VPS13B: variants seen among roughly 807,000 people sequenced by gnomAD.
VPS13B encodes the protein intermembrane lipid transfer protein VPS13B.
A neutral mutation model predicts 426.4 loss-of-function variants in VPS13B; 285 were observed. That is an observed-to-expected ratio of 0.67 (90% CI 0.61 to 0.74). VPS13B has a LOEUF of 0.74. Among genes scored for constraint, VPS13B ranks in the 30% least tolerant of loss-of-function variants. The pLI is 0.00. For missense variants in VPS13B, 4,537 were observed against 4,782.6 expected, an observed-to-expected ratio of 0.95 and a Z score of 1.51; for synonymous variants, 1,676 against 1,676.4, an observed-to-expected ratio of 1.00 and a Z score of 0.01.
intron 36 of VPS13B, among the ~76,000 whole-genome samples, chr8:99,716,253 T>A (rs1588650086): frequency 6.6e-6 from 1 of 152,296 alleles, no homozygotes; most frequent in South Asian, 2.1e-4. Flanking sequence ...AATTGAAAAG[T>A]CAATGTGGTT....
At chr8:99,492,484 G>C (rs539424757) in intron 25 of VPS13B, among the ~76,000 whole-genome samples, 2 of 152,310 alleles carry the variant, frequency 1.3e-5, no homozygotes, top group Middle Eastern at 3.4e-3. Flanking sequence ...GTGGAGTCTA[G>C]AGAGGCAGTA....
In VPS13B at chr8:99,102,846, C is replaced by T. The variant is rs1413505680; in HGVS notation, c.413-107C>T. 8 of 1,148,342 alleles carry T rather than the reference C, an allele frequency of 7.0e-6. No homozygotes were observed. In the African/African-American group the frequency reaches 1.2e-4, roughly 18 times the overall value. 71.1% of individuals were successfully genotyped at this position (1,148,342 alleles called of 1,614,324 possible). A position where few individuals can be genotyped will look rare whatever the true frequency, so the allele number is the denominator to read the frequency against. ...CTTCAGTTTCTCTTTGGGAAATATGCTAAATAATAACCACCTTTCTCATAC... is the reference window on the plus strand; with the variant it reads ...CTTCAGTTTCTCTTTGGGAAATATGTTAAATAATAACCACCTTTCTCATAC... On this transcript the variant is annotated intron_variant, in intron 4 of 61. Coordinates refer to ENST00000357162, the MANE Select transcript of VPS13B (RefSeq NM_152564.5).
intron 30 of VPS13B, among the ~76,000 whole-genome samples, chr8:99,552,276 T>C (rs1229091287): frequency 1.3e-5 from 2 of 152,104 alleles, no homozygotes; most frequent in South Asian, 2.1e-4. Context: ...TTTGCTAGTC[T>C]GTCCATTGTT....
intron 43 of VPS13B, among the ~76,000 whole-genome samples, chr8:99,800,083 A>G (rs886264586): frequency 1.3e-5 from 2 of 152,190 alleles, no homozygotes; most frequent in African/African-American, 2.4e-5. Context: ...GTTTGTCTGC[A>G]TAGCATCAGA....
At chr8:99,376,658 C>T (rs1314150490) in intron 19 of VPS13B, among the ~76,000 whole-genome samples, 1 of 152,044 alleles carries the variant, frequency 6.6e-6, no homozygotes, top group Non-Finnish European at 1.5e-5. Flanking sequence ...TTTGAAAATT[C>T]ATTGAACACA....
At chr8:99,077,780 G>A (rs1187704026) in intron 3 of VPS13B, among the ~76,000 whole-genome samples, 1 of 152,010 alleles carries the variant, frequency 6.6e-6, no homozygotes, top group Non-Finnish European at 1.5e-5. Flanking sequence ...TCTTGCAGGA[G>A]TTGGAAGTTT....
chr8:99,040,506 T>C (rs1387756631), intron 3 of VPS13B, among the ~76,000 whole-genome samples: 1 of 152,206 alleles, frequency 6.6e-6, no homozygotes, highest in Non-Finnish European at 1.5e-5. Flanking sequence ...TGCTTGGGTT[T>C]ATGCTAGTGA....
intron 2 of VPS13B, among the ~76,000 whole-genome samples, chr8:99,019,789 C>T (rs1271039473): frequency 6.6e-6 from 1 of 152,164 alleles, no homozygotes; most frequent in African/African-American, 2.4e-5. Context: ...TCTCAAAAAG[C>T]TTATCTATGT....
At chr8:99,660,675 A>C (rs1407697665) in intron 34 of VPS13B, among the ~76,000 whole-genome samples, 4 of 152,124 alleles carry the variant, frequency 2.6e-5, no homozygotes, top group African/African-American at 4.8e-5. Context: ...ATAGCCAAAA[A>C]TACTTTTTAA....
chr8:99,472,428 G>A (rs914545906), intron 24 of VPS13B, among the ~76,000 whole-genome samples: 8 of 151,744 alleles, frequency 5.3e-5, no homozygotes, highest in Non-Finnish European at 7.4e-5. Flanking sequence ...CTTTAAATAT[G>A]TGGACATTAA....
At chr8:99,693,245 A>G (rs902892723) in intron 35 of VPS13B, among the ~76,000 whole-genome samples, 8 of 151,092 alleles carry the variant, frequency 5.3e-5, no homozygotes, top group Non-Finnish European at 1.0e-4. Context: ...ACAACCAAAA[A>G]AGAGAATTTT....
chr8:99,541,161 G>A (rs981359553), intron 30 of VPS13B, among the ~76,000 whole-genome samples: 2 of 151,784 alleles, frequency 1.3e-5, no homozygotes, highest in African/African-American at 2.4e-5. Context: ...AAAGAATATT[G>A]TTTTCTGGTA....
At chr8:99,360,159 TTTCTTTCTTTCTTTC>T (rs1461929803) in intron 19 of VPS13B, among the ~76,000 whole-genome samples, 28 of 37,292 alleles carry the variant, frequency 7.5e-4, no homozygotes, top group Admixed American at 5.8e-3. Context: ...TCTTTCTTTC[TTTCTTTCTTTCTTTC>T]TTTCTTTCTT....
chr8:99,599,154 C>G (rs1257450650), intron 33 of VPS13B, among the ~76,000 whole-genome samples: 3 of 151,954 alleles, frequency 2.0e-5, no homozygotes, highest in African/African-American at 7.2e-5. Context: ...TGTACTCAAG[C>G]TGGTAAGAAC....
chr8:99,331,097 C>T (rs759420998), intron 19 of VPS13B, among the ~76,000 whole-genome samples: 27 of 151,626 alleles, frequency 1.8e-4, no homozygotes, highest in African/African-American at 6.0e-4. Flanking sequence ...ATATTCTTTT[C>T]GGAATAAGGA....
At chr8:99,620,549 C>T (rs1006977071) in intron 33 of VPS13B, among the ~76,000 whole-genome samples, 5 of 151,940 alleles carry the variant, frequency 3.3e-5, no homozygotes, top group African/African-American at 1.2e-4. Context: ...TTATTGAGTT[C>T]CCATTATGTA....
chr8:99,753,193 A>G (rs1810483885), intron 39 of VPS13B, among the ~76,000 whole-genome samples: 1 of 152,228 alleles, frequency 6.6e-6, no homozygotes, highest in South Asian at 2.1e-4. Flanking sequence ...TATAAACTTA[A>G]AAAAGTAAAT....
At position 99,143,028 on chromosome 8, in the gene VPS13B, T is replaced by G. The variant is rs777596532; in HGVS notation, c.1706T>G (p.Val569Gly). The change falls in exon 13 of 62, where the codon GTT becomes GGT. Residue 569 changes from valine to glycine, a missense_variant. By Grantham distance (109) the Val-to-Gly change is moderately radical. Coordinates refer to ENST00000357162, the MANE Select transcript of VPS13B (RefSeq NM_152564.5). ...GGGAAAAGTGAAGATTTGGGAACAG[T>G]TCAGGAGAAGTCCACCAAAAGCCTT... ...SSGKSEDLGT[V>G]QEKSTKSLVI... 6.2e-7 allele frequency: 1 copy of G among 1,614,050 alleles called. No individual in the cohort carries two copies.
chr8:99,592,374 G>T (rs772966382), intron 33 of VPS13B, among the ~76,000 whole-genome samples: 1 of 152,024 alleles, frequency 6.6e-6, no homozygotes, highest in Non-Finnish European at 1.5e-5. Flanking sequence ...GAGGAGCTAC[G>T]ATCCTTTGGA....
Sources: allele counts gnomAD v4.1 joint callset (sites outside exome capture counted in the v4.1 genomes callset), GRCh38; gene constraint gnomAD v4.1.1; transcripts MANE v1.5; gene names NCBI Gene and HGNC (gene_info 2026-07-23, HGNC 2026-07-21).